AHCTF1: variants seen among roughly 807,000 people sequenced by gnomAD.
AHCTF1 encodes protein ELYS.
Under a neutral mutation model 248.4 loss-of-function variants are expected in AHCTF1, and 24 were observed. The ratio of observed to expected loss-of-function variants is 0.10; its 90% CI spans 0.07 to 0.14. AHCTF1 has a LOEUF of 0.14. AHCTF1 is among the 10% of genes least tolerant of loss of function. AHCTF1 has a pLI of 1.00. For missense variants in AHCTF1, 2,206 were observed against 2,636.2 expected (o/e 0.84, Z 3.57); for synonymous variants, 786 against 929.8 (o/e 0.85, Z 2.81).
At chr1:246,889,342 C>T (rs2103134153) in intron 17 of AHCTF1, among the ~76,000 whole-genome samples, 1 of 152,200 alleles carries the variant, frequency 6.6e-6, no homozygotes, top group South Asian at 2.1e-4. Flanking sequence ...TGCGGTTGTC[C>T]AATGAGCCAG....
intron 29 of AHCTF1, among the ~76,000 whole-genome samples, chr1:246,859,369 C>T (rs1298925718): frequency 4.6e-5 from 7 of 152,144 alleles, no homozygotes; most frequent in Non-Finnish European, 1.0e-4. Context: ...CTCCCATTTA[C>T]TAGTGTTCCC....
chr1:246,861,265 T>C lies in AHCTF1; in HGVS notation c.3766A>G (p.Thr1256Ala), dbSNP rs1482758994. The C allele has an allele frequency of 9.3e-6, 15 of 1,610,304 alleles. No homozygotes were observed. The highest frequency in any genetic ancestry group is 1.3e-5 in the Non-Finnish European group (15 of 1,177,838). ...GGAACTGCACATTTTTTAGGTGTAG[T>C]AAATACTTCTAATTTGCTATCATCT... ...AADDSKLEVF[T>A]TPKKCAVPVE... The change falls in exon 29 of 36, where the codon ACT becomes GCT. Residue 1256 changes from threonine (T) to alanine (A), a missense_variant. This residue lies in a region of AHCTF1 where 955 missense variants were observed against 1,055.6 expected (regional missense o/e 0.90). Coordinates refer to ENST00000648844, the MANE Select transcript of AHCTF1 (RefSeq NM_001323342.2).
chr1:246,922,890 G>A (rs1666657931), intron 1 of AHCTF1, among the ~76,000 whole-genome samples: 1 of 148,448 alleles, frequency 6.7e-6, no homozygotes, highest in Non-Finnish European at 1.5e-5. Flanking sequence ...GGCTGAGGCA[G>A]GAGAATGGCA....
At chr1:246,898,423 G>C in intron 11 of AHCTF1, 87 bp from the exon 12 acceptor site, 2 of 1,367,372 alleles carry the variant, frequency 1.5e-6, no homozygotes, top group South Asian at 2.7e-5. Context: ...TAAAATTTAA[G>C]TAAAATTTAA....
At chr1:246,903,497 C>A (rs1392615789) in intron 7 of AHCTF1, among the ~76,000 whole-genome samples, 1 of 152,114 alleles carries the variant, frequency 6.6e-6, no homozygotes, top group Non-Finnish European at 1.5e-5. Context: ...TAAATTACTT[C>A]TACTACATTA....
At chr1:246,856,570 A>G (rs1661123370) in intron 30 of AHCTF1, among the ~76,000 whole-genome samples, 1 of 151,758 alleles carries the variant, frequency 6.6e-6, no homozygotes, top group Non-Finnish European at 1.5e-5. Context: ...ATTCCTTCTC[A>G]TGCTGGTAAC....
chr1:246,911,485 T>TC (rs1014779026), intron 4 of AHCTF1, among the ~76,000 whole-genome samples: 10 of 146,256 alleles, frequency 6.8e-5, no homozygotes, highest in Non-Finnish European at 1.4e-4. Flanking sequence ...GATTCTTTTT[T>TC]TTTTTTTTTT....
At chr1:246,904,573 G>GGAGAAA (rs1665248217) in intron 6 of AHCTF1, among the ~76,000 whole-genome samples, 1 of 152,148 alleles carries the variant, frequency 6.6e-6, no homozygotes, top group Non-Finnish European at 1.5e-5. Context: ...AGTATGGGAA[G>GGAGAAA]GAGAACGGGC....
chr1:246,868,258 A>G (rs567755757), intron 24 of AHCTF1, among the ~76,000 whole-genome samples: 3 of 151,934 alleles, frequency 2.0e-5, no homozygotes, highest in South Asian at 2.1e-4. Flanking sequence ...CCTCCCGAGT[A>G]GCTGGGACTA....
intron 33 of AHCTF1, among the ~76,000 whole-genome samples, chr1:246,847,153 G>C (rs1660327857): frequency 6.6e-6 from 1 of 152,002 alleles, no homozygotes; most frequent in Non-Finnish European, 1.5e-5. Flanking sequence ...CCCAGGCGTG[G>C]TGGCAAGCAC....
At chr1:246,872,569 AGAG>A (rs1662673262) in intron 24 of AHCTF1, among the ~76,000 whole-genome samples, 1 of 152,200 alleles carries the variant, frequency 6.6e-6, no homozygotes, top group South Asian at 2.1e-4. Flanking sequence ...GAAATTAAAT[AGAG>A]GAGGTTACAC....
At chr1:246,905,473 G>C (rs1467138060) in intron 6 of AHCTF1, 68 bp downstream of exon 6, 26 of 1,312,176 alleles carry the variant, frequency 2.0e-5, no homozygotes, top group Admixed American at 5.2e-5. Context: ...CTCCAGCCTG[G>C]ACAACAGAGC....
At chr1:246,893,615 G>A (rs1664367131) in intron 14 of AHCTF1, among the ~76,000 whole-genome samples, 1 of 152,254 alleles carries the variant, frequency 6.6e-6, no homozygotes, top group South Asian at 2.1e-4. Flanking sequence ...TAATAAAACT[G>A]TCAAGAAGGA....
At chr1:246,903,419 T>C (rs1031017315) in intron 7 of AHCTF1, among the ~76,000 whole-genome samples, 4 of 152,220 alleles carry the variant, frequency 2.6e-5, no homozygotes, top group Non-Finnish European at 1.5e-5. Flanking sequence ...CCCCTCATTG[T>C]AGAGGAAAAC....
chr1:246,873,535 A>C (rs61854016), intron 24 of AHCTF1, among the ~76,000 whole-genome samples: 4,211 of 152,284 alleles, frequency 0.028, 84 homozygotes, highest in South Asian at 0.068. Context: ...CAGTGAAGGG[A>C]AAGAATCCGT....
At chr1:246,917,888 A>T (rs989230663) in intron 2 of AHCTF1, among the ~76,000 whole-genome samples, 5 of 152,132 alleles carry the variant, frequency 3.3e-5, no homozygotes, top group Non-Finnish European at 5.9e-5. Context: ...AGGGCCCTGG[A>T]CTTTTCTACT....
rs369259650 is a variant in AHCTF1 at position 246,891,258 on chromosome 1, G to A, written c.1946-198C>T. On this transcript the variant is annotated intron_variant, in intron 15 of 35. Transcript: ENST00000648844. Reference sequence around the variant, plus strand: ...TTACTTTGGTCCAAAATGATGTCAAGCAAACCTCCAAAATGCTAAAATAAG... The same window carrying A: ...TTACTTTGGTCCAAAATGATGTCAAACAAACCTCCAAAATGCTAAAATAAG... Among the ~76,000 whole-genome samples, 4 of 152,174 alleles carry A rather than the reference G, an allele frequency of 2.6e-5. No individual in the cohort carries two copies. In the South Asian group the frequency reaches 8.3e-4, roughly 32 times the overall value.
chr1:246,887,176 T>C, intron 20 of AHCTF1, 35 bp downstream of exon 20: 3 of 1,560,884 alleles, frequency 1.9e-6, no homozygotes, highest in Non-Finnish European at 2.6e-6. Flanking sequence ...TTCTAGTAAT[T>C]CATGAAAGTT....
rs11340560 is a variant in AHCTF1, at chr1:246,870,723, CAAAAA to C, written c.3089-2917_3089-2913del. 9.1e-5 allele frequency among the ~76,000 whole-genome samples: 10 copies of C among 110,164 alleles called. No homozygotes were observed. In the East Asian group the frequency reaches 2.7e-3, roughly 29 times the overall value. 72.3% of individuals were successfully genotyped at this position (110,164 alleles called of 152,430 possible). On this transcript the variant is annotated intron_variant, in intron 24 of 35. Coordinates refer to ENST00000648844, the MANE Select transcript of AHCTF1 (RefSeq NM_001323342.2). ...CTAGCTAAAAGAGGGTATAAAACCTCAAAAAAAAAAAAAAAAAGCCCTAGGCTATT... is the reference window on the plus strand; with the variant it reads ...CTAGCTAAAAGAGGGTATAAAACCTCAAAAAAAAAAAAGCCCTAGGCTATT...
Sources: allele counts gnomAD v4.1 joint callset (sites outside exome capture counted in the v4.1 genomes callset), GRCh38; gene constraint gnomAD v4.1.1; regional missense constraint gnomAD v4.1.1; transcripts MANE v1.5; gene names NCBI Gene and HGNC (gene_info 2026-07-23, HGNC 2026-07-21).